Variants in UGGT2 observed in about 807,000 individuals in gnomAD.
UGGT2 encodes the protein UDP-glucose glycoprotein glucosyltransferase 2, also known as UDP-glucose:glycoprotein glucosyltransferase 2.
Under a neutral mutation model 192.1 loss-of-function variants are expected in UGGT2, and 180 were observed. The observed-to-expected ratio is 0.94, with a 90% CI of 0.83 to 1.06. UGGT2 has a LOEUF of 1.06. Among genes scored for constraint, UGGT2 ranks in the 50% least tolerant of loss-of-function variants. UGGT2 has a pLI of 0.00. For missense variants in UGGT2, 1,849 were observed against 1,795.7 expected, an observed-to-expected ratio of 1.03 and a Z score of -0.54; for synonymous variants, 580 against 591.0, an observed-to-expected ratio of 0.98 and a Z score of 0.27.
intron 33 of UGGT2, among the ~76,000 whole-genome samples, chr13:95,859,181 T>C (rs1320411878): frequency 1.3e-5 from 2 of 152,162 alleles, no homozygotes; most frequent in African/African-American, 4.8e-5. Flanking sequence ...AAGAGCTTTT[T>C]TGTTTCAGTA....
chr13:95,972,610 C>A lies in UGGT2; in HGVS notation c.1154G>T (p.Arg385Leu), dbSNP rs768744531. ...AGCGTCATAAACATCCATATCAACA[C>A]GAAGGCCATTTATAAATAGACGAGC... Reference protein sequence around the residue: ...GDARLFINGLRVDMDVYDAFS... With the variant: ...GDARLFINGLLVDMDVYDAFS... The change falls in exon 11 of 39, where the codon CGT becomes CTT. Residue 385 changes from arginine to leucine, a missense_variant. Physicochemically the swap from Arg to Leu is moderately radical, Grantham distance 102. Transcript: ENST00000376747. 1 of 1,613,710 alleles carries A rather than the reference C, an allele frequency of 6.2e-7. No individual in the cohort carries two copies. The highest frequency in any genetic ancestry group is 1.7e-5 in the Admixed American group (1 of 60,000).
intron 38 of UGGT2, among the ~76,000 whole-genome samples, chr13:95,820,587 G>A (rs1290935475): frequency 6.6e-6 from 1 of 152,160 alleles, no homozygotes; most frequent in Admixed American, 6.5e-5. Context: ...TCATGACCAA[G>A]TGAAGTTTAT....
At chr13:95,867,479 T>G in intron 29 of UGGT2, 56 bp from the exon 30 acceptor site, 1 of 1,397,468 alleles carries the variant, frequency 7.2e-7, no homozygotes, top group Non-Finnish European at 9.9e-7. Context: ...ACAATTATGA[T>G]GGCATAACAG....
chr13:95,985,192 CATTA>C (rs2051250862), intron 9 of UGGT2: 1 of 887,080 alleles, frequency 1.1e-6, no homozygotes, highest in Non-Finnish European at 1.5e-6. Flanking sequence ...TTATAACGGC[CATTA>C]ATTAAAATAT....
At chr13:95,833,321 A>G (rs900982556) in intron 37 of UGGT2, among the ~76,000 whole-genome samples, 6 of 152,308 alleles carry the variant, frequency 3.9e-5, no homozygotes, top group African/African-American at 1.4e-4. Context: ...AAAAAAAATT[A>G]TGTAAAACTT....
chr13:95,929,422 G>C (rs1000396574), intron 17 of UGGT2, among the ~76,000 whole-genome samples: 2 of 152,144 alleles, frequency 1.3e-5, no homozygotes, highest in Non-Finnish European at 2.9e-5. Flanking sequence ...GTACCAGATA[G>C]TTTTCCAACC....
intron 8 of UGGT2, among the ~76,000 whole-genome samples, chr13:95,989,085 T>G (rs1193703976): frequency 6.6e-6 from 1 of 151,972 alleles, no homozygotes; most frequent in Non-Finnish European, 1.5e-5. Flanking sequence ...GGGTGTTAGT[T>G]TTTTGGGGGG....
intron 7 of UGGT2, among the ~76,000 whole-genome samples, chr13:95,995,012 CAG>C (rs1300758108): frequency 6.6e-6 from 1 of 151,858 alleles, no homozygotes; most frequent in African/African-American, 2.4e-5. Context: ...GGGATACCAC[CAG>C]AGTTTCAGAA....
At chr13:95,831,402 C>T (rs1337852932) in intron 38 of UGGT2, among the ~76,000 whole-genome samples, 1 of 151,976 alleles carries the variant, frequency 6.6e-6, no homozygotes, top group Non-Finnish European at 1.5e-5. Context: ...ATAAATATTG[C>T]TCTATAACCT....
intron 12 of UGGT2, 125 bp from the exon 13 acceptor site, chr13:95,949,579 G>A (rs2049992620): frequency 1.0e-6 from 1 of 959,868 alleles, no homozygotes; most frequent in South Asian, 4.1e-5. Context: ...TGATTAAATA[G>A]AGGAGCTAGT....
intron 12 of UGGT2, among the ~76,000 whole-genome samples, chr13:95,950,145 G>C (rs983079951): frequency 1.3e-5 from 2 of 152,130 alleles, no homozygotes; most frequent in African/African-American, 4.8e-5. Context: ...TGCAGGGTGA[G>C]AGGGTAGGAG....
chr13:95,937,588 A>G (rs1469689176), intron 16 of UGGT2, among the ~76,000 whole-genome samples: 1 of 152,216 alleles, frequency 6.6e-6, no homozygotes, highest in Non-Finnish European at 1.5e-5. Flanking sequence ...TACTGTGATT[A>G]TAGAGCTGAA....
intron 26 of UGGT2, chr13:95,887,526 T>C (rs903575729): frequency 3.2e-5 from 10 of 307,866 alleles, no homozygotes; most frequent in African/African-American, 1.5e-4. Context: ...AAATAGTAAA[T>C]GTGATGATAT....
intron 37 of UGGT2, among the ~76,000 whole-genome samples, chr13:95,835,909 GTATGA>G (rs1189334302): frequency 6.6e-6 from 1 of 152,148 alleles, no homozygotes; most frequent in African/African-American, 2.4e-5. Context: ...AAAAAAGCAT[GTATGA>G]TATATTTTAA....
intron 38 of UGGT2, among the ~76,000 whole-genome samples, chr13:95,824,181 T>C (rs1475192676): frequency 6.6e-6 from 1 of 152,160 alleles, no homozygotes; most frequent in African/African-American, 2.4e-5. Flanking sequence ...ATAGGTTTTC[T>C]CTTACAGATT....
rs1383729018 is a variant in UGGT2 at position 95,865,732 on chromosome 13, G to A, written c.3558+1607C>T. On this transcript the variant is annotated intron_variant, in intron 30 of 38. Coordinates refer to ENST00000376747, the MANE Select transcript of UGGT2 (RefSeq NM_020121.4). ...GTAGGCTGTAGAATATTTCTAATTG[G>A]TTTCTTTCATAATTCATAAAAATTC... Among the ~76,000 whole-genome samples, 4 of 152,046 alleles carry A rather than the reference G, an allele frequency of 2.6e-5. No individual in the cohort carries two copies. In the East Asian group the frequency reaches 7.7e-4, roughly 29 times the overall value.
At chr13:95,983,036 TCTC>T (rs2051176764) in intron 10 of UGGT2, among the ~76,000 whole-genome samples, 1 of 152,170 alleles carries the variant, frequency 6.6e-6, no homozygotes, top group East Asian at 1.9e-4. Context: ...CCAGGCCACT[TCTC>T]CTTTGCTTCG....
chr13:95,970,196 C>T lies in UGGT2; in HGVS notation c.1251G>A (p.Gly417=), dbSNP rs1183170720. 1 of 1,612,962 alleles carries T rather than the reference C, an allele frequency of 6.2e-7. No individual in the cohort carries two copies. Among genetic ancestry groups the T allele is most frequent in the Admixed American group, 1.7e-5 (1 of 59,992 alleles). Reference sequence around the variant, plus strand: ...ATTTTAAAAATTTGCTCATATCTTCCCCATTGATCCCAAGATTGCGAAGGC... The same window carrying T: ...ATTTTAAAAATTTGCTCATATCTTCTCCATTGATCCCAAGATTGCGAAGGC... ...MNGLRNLGIN[G]EDMSKFLKLN... Residue 417 remains glycine, a synonymous_variant, in exon 12 of 39, where the codon GGG becomes GGA. Coordinates refer to ENST00000376747, the MANE Select transcript of UGGT2 (RefSeq NM_020121.4).
chr13:95,884,962 G>A (rs1320740533), intron 26 of UGGT2, among the ~76,000 whole-genome samples: 1 of 152,122 alleles, frequency 6.6e-6, no homozygotes, highest in Non-Finnish European at 1.5e-5. Flanking sequence ...GCAGGTTCTA[G>A]GAGTTTATGA....
Sources: allele counts gnomAD v4.1 joint callset (sites outside exome capture counted in the v4.1 genomes callset), GRCh38; gene constraint gnomAD v4.1.1; transcripts MANE v1.5; gene names NCBI Gene and HGNC (gene_info 2026-07-23, HGNC 2026-07-21).